FLOT2: variants seen among roughly 807,000 people sequenced by gnomAD.
The protein encoded by FLOT2 is flotillin-2.
In FLOT2, 35 loss-of-function variants were observed where a neutral mutation model predicts 54.9. The observed-to-expected ratio is 0.64, with a 90% CI of 0.49 to 0.84. The LOEUF (loss-of-function observed/expected upper bound fraction) is 0.84, where lower values mean the gene tolerates loss of function less well. Among genes scored for constraint, FLOT2 ranks in the 40% least tolerant of loss-of-function variants. The pLI is 0.00. For missense variants in FLOT2, 464 were observed against 572.1 expected (o/e 0.81, Z 1.93); for synonymous variants, 207 against 228.9 (o/e 0.90, Z 0.86).
Position 28,882,640 on chromosome 17 carries a change from A to C in FLOT2, c.398T>G (p.Leu133Arg). The C allele has an allele frequency of 6.2e-7, 1 of 1,613,866 alleles. No individual in the cohort carries two copies. The highest frequency in any genetic ancestry group is 8.5e-7 in the Non-Finnish European group (1 of 1,179,966). ...ATCAGGGGCTGCCACCTCCCGCACC[A>C]GCTTGGCAAACTGGTCCCGGTCCTG... ...IYQDRDQFAK[L>R]VREVAAPDVG... The change falls in exon 5 of 11, where the codon CTG becomes CGG. Residue 133 changes from leucine (L) to arginine (R), a missense_variant. Leu to Arg is a moderately radical substitution (Grantham distance 102). Coordinates refer to ENST00000394908, the MANE Select transcript of FLOT2 (RefSeq NM_004475.3). This position sits in a 1 kb window ranked among gnomAD's most constrained non-coding sequence, Gnocchi z 5.6.
At chr17:28,889,334 C>CTT (rs549356750) in intron 1 of FLOT2, among the ~76,000 whole-genome samples, 32 of 144,402 alleles carry the variant, frequency 2.2e-4, no homozygotes, top group Admixed American at 2.2e-3. Context: ...TCTGAAAAAG[C>CTT]TTTTTTTTTT....
chr17:28,881,045 C>G, intron 9 of FLOT2, 147 bp downstream of exon 9: 1 of 1,017,972 alleles, frequency 9.8e-7, no homozygotes. Context: ...TGTAGGGTTC[C>G]TGCCCCCTGC....
At chr17:28,888,440 T>A (rs1278300586) in intron 2 of FLOT2, among the ~76,000 whole-genome samples, 1 of 152,212 alleles carries the variant, frequency 6.6e-6, no homozygotes, top group African/African-American at 2.4e-5. Flanking sequence ...CTGTCTAACT[T>A]ACCACTGTCA....
intron 1 of FLOT2, among the ~76,000 whole-genome samples, chr17:28,890,855 ATTTCTTCT>A (rs1308805145): frequency 8.6e-6 from 1 of 116,462 alleles, no homozygotes; most frequent in Non-Finnish European, 1.8e-5. Flanking sequence ...GAGTGTTATC[ATTTCTTCT>A]TTTTTTTTTT....
At chr17:28,888,485 C>T (rs1201558892) in intron 2 of FLOT2, among the ~76,000 whole-genome samples, 1 of 152,198 alleles carries the variant, frequency 6.6e-6, no homozygotes, top group Non-Finnish European at 1.5e-5. Context: ...CATTCTCTGC[C>T]ACATAGTCCC....
chr17:28,888,728 A>G (rs2039591048), intron 2 of FLOT2, among the ~76,000 whole-genome samples: 1 of 152,166 alleles, frequency 6.6e-6, no homozygotes, highest in Non-Finnish European at 1.5e-5. Flanking sequence ...GGGGGTGCCC[A>G]TGACAGACCT....
At position 28,897,670 on chromosome 17, in the gene FLOT2, C is replaced by T. The variant is rs1021941160; in HGVS notation, c.-96G>A. On this transcript the variant is annotated 5_prime_UTR_variant, in exon 1 of 11. Coordinates refer to ENST00000394908, the MANE Select transcript of FLOT2 (RefSeq NM_004475.3). This position sits in a 1 kb window ranked among gnomAD's most constrained non-coding sequence, Gnocchi z 4.4. ...CCGCGCCCAGCCTATCCCGCCACCC[C>T]CAGCGGCCGGCCGCCCGCTCGCTCG... 1.7e-6 allele frequency: 2 copies of T among 1,144,766 alleles called. No homozygotes were observed. The highest frequency in any genetic ancestry group is 3.3e-5 in the East Asian group (1 of 30,318). The allele number at this position is 1,144,766 out of a possible 1,614,324, so 70.9% of individuals were successfully genotyped here. A position where few individuals can be genotyped will look rare whatever the true frequency, so the allele number is the denominator to read the frequency against.
chr17:28,882,705 G>A lies in FLOT2; in HGVS notation c.347-14C>T. ...CTGTCAGGGTCCCTGGGGGCAGAGG[G>A]ATCAAGGGCTGGCTCCCCAGGGACC... On this transcript the variant is annotated splice_polypyrimidine_tract_variant and intron_variant, in intron 4 of 10. Transcript: ENST00000394908. This position sits in a 1 kb window ranked among gnomAD's most constrained non-coding sequence, Gnocchi z 5.6. The A allele has an allele frequency of 6.4e-7, 1 of 1,570,088 alleles. No individual in the cohort carries two copies. Among genetic ancestry groups the A allele is most frequent in the Non-Finnish European group, 8.8e-7 (1 of 1,140,776 alleles).
At position 28,883,070 on chromosome 17, in the gene FLOT2, G is replaced by A. The variant is rs764114219; in HGVS notation, c.346+38C>T. 3.0e-5 allele frequency: 49 copies of A among 1,609,556 alleles called. No homozygotes were observed. In the East Asian group the frequency reaches 1.0e-3, roughly 34 times the overall value. On this transcript the variant is annotated intron_variant, in intron 4 of 10. Coordinates refer to ENST00000394908, the MANE Select transcript of FLOT2 (RefSeq NM_004475.3). The surrounding 1 kb of genome is among the most constrained non-coding windows in gnomAD (Gnocchi z 5.0). Reference sequence around the variant, plus strand: ...CACACCTCCCTGCCTTGGCTTAGGGGCCCCGTGAGGCTCCTCAAAGGCTGA... The same window carrying A: ...CACACCTCCCTGCCTTGGCTTAGGGACCCCGTGAGGCTCCTCAAAGGCTGA...
At chr17:28,885,589 G>C in intron 2 of FLOT2, 1 of 717,490 alleles carries the variant, frequency 1.4e-6, no homozygotes, top group Non-Finnish European at 2.6e-6. Flanking sequence ...GGTAACGAAG[G>C]CCTGGCATCC....
rs370630325 is a variant in FLOT2 at position 28,886,955 on chromosome 17, C to G, written c.131+1990G>C. On this transcript the variant is annotated intron_variant, in intron 2 of 10. Coordinates refer to ENST00000394908, the MANE Select transcript of FLOT2 (RefSeq NM_004475.3). ...TCCTTGGGCCTGAGAGGATTCTTGACCCAGCTCAGACAGGAACCCACCAAG... is the reference window on the plus strand; with the variant it reads ...TCCTTGGGCCTGAGAGGATTCTTGAGCCAGCTCAGACAGGAACCCACCAAG... 4.6e-5 allele frequency among the ~76,000 whole-genome samples: 7 copies of G among 152,080 alleles called. No homozygotes were observed. The East Asian group carries it at 1.2e-3, about 25-fold the overall frequency.
At position 28,880,480 on chromosome 17, in the gene FLOT2, G is replaced by A. The variant is rs1387752475; in HGVS notation, c.*81C>T. On this transcript the variant is annotated 3_prime_UTR_variant, in exon 11 of 11. Coordinates refer to ENST00000394908, the MANE Select transcript of FLOT2 (RefSeq NM_004475.3). ...GAGATAAGGCACCAGAGTCAGTAACGTTCCCGTTGTTCTGTGGGATTAAAA... is the reference window on the plus strand; with the variant it reads ...GAGATAAGGCACCAGAGTCAGTAACATTCCCGTTGTTCTGTGGGATTAAAA... 83 of 1,564,068 alleles carry A rather than the reference G, an allele frequency of 5.3e-5. 1 individual carries two copies. In the Admixed American group the frequency reaches 1.3e-3, roughly 24 times the overall value.
intron 2 of FLOT2, among the ~76,000 whole-genome samples, chr17:28,888,266 G>A (rs1487809255): frequency 6.6e-6 from 1 of 152,238 alleles, no homozygotes; most frequent in East Asian, 1.9e-4. Context: ...GAGAGGCCAG[G>A]TCTGGCCCTG....
rs766742892 is a variant in FLOT2 at position 28,883,458 on chromosome 17, G to T, written c.223-227C>A. Among the ~76,000 whole-genome samples, 1 of 152,262 alleles carries T rather than the reference G, an allele frequency of 6.6e-6. No homozygotes were observed. Among genetic ancestry groups the T allele is most frequent in the East Asian group, 1.9e-4 (1 of 5,170 alleles). ...CACTGACAGCCCCAGGCCCTGCCAC[G>T]GCCTCTCCTGGGCATTCGGGGCTTG... On this transcript the variant is annotated intron_variant, in intron 3 of 10. Transcript: ENST00000394908. The surrounding 1 kb of genome is among the most constrained non-coding windows in gnomAD (Gnocchi z 5.0).
intron 1 of FLOT2, among the ~76,000 whole-genome samples, chr17:28,894,085 G>C (rs779427330): frequency 3.7e-4 from 56 of 152,206 alleles, no homozygotes; most frequent in Non-Finnish European, 7.1e-4. Flanking sequence ...GCACAAGCCG[G>C]TCTCAAACTC....
chr17:28,881,110 G>A, intron 9 of FLOT2, 82 bp downstream of exon 9: 1 of 1,322,986 alleles, frequency 7.6e-7, no homozygotes, highest in East Asian at 2.5e-5. Flanking sequence ...TTACTCGCAA[G>A]GCCCAGAGAA....
chr17:28,888,831 AATG>A, intron 2 of FLOT2, 111 bp downstream of exon 2: 1 of 373,386 alleles, frequency 2.7e-6, no homozygotes, highest in East Asian at 9.2e-5. Context: ...GCCAGAATGG[AATG>A]TGGAAATGGT....
Position 28,889,494 on chromosome 17 carries a change from G to A in FLOT2, c.50-468C>T, listed in dbSNP as rs189030498. 3.3e-5 allele frequency among the ~76,000 whole-genome samples: 5 copies of A among 151,198 alleles called. No individual in the cohort carries two copies. In the East Asian group the frequency reaches 5.9e-4, roughly 18 times the overall value. The stretch of plus-strand genomic sequence containing the variant: ...ACAGGTGCCCGCCACAGCATACCTG[G>A]CTAATTTTTGTATTTTTAGTACAGA... On this transcript the variant is annotated intron_variant, in intron 1 of 10. Coordinates refer to ENST00000394908, the MANE Select transcript of FLOT2 (RefSeq NM_004475.3).
In FLOT2 at chr17:28,897,110, C is replaced by A. The variant is rs778714616; in HGVS notation, c.49+416G>T. On this transcript the variant is annotated intron_variant, in intron 1 of 10. Coordinates refer to ENST00000394908, the MANE Select transcript of FLOT2 (RefSeq NM_004475.3). The surrounding 1 kb of genome is among the most constrained non-coding windows in gnomAD (Gnocchi z 4.4). ...GTTTCAGGGCCCCTCCCCATACAGG[C>A]ACCTGCCCTCCAGGGCTGCGCGACC... Among the ~76,000 whole-genome samples, 3 of 152,200 alleles carry A rather than the reference C, an allele frequency of 2.0e-5. No individual in the cohort carries two copies. The highest frequency in any genetic ancestry group is 7.2e-5 in the African/African-American group (3 of 41,452).
Sources: gnomAD v4.1 joint callset for allele counts (sites outside exome capture counted in the v4.1 genomes callset) on GRCh38, gnomAD v4.1.1 for gene constraint, Gnocchi (gnomAD v3.1) non-coding constraint, MANE v1.5 for transcripts, NCBI Gene and HGNC (gene_info 2026-07-23, HGNC 2026-07-21) for gene names.